Variants in TRABD2A observed in about 807,000 individuals in gnomAD.
TRABD2A encodes TraB domain containing 2A.
TRABD2A carries 43 observed loss-of-function variants against 45.6 expected under a neutral mutation model. That is an observed-to-expected ratio of 0.94 (90% CI 0.74 to 1.22). TRABD2A has a LOEUF of 1.22. TRABD2A is among the 50% of genes most tolerant of loss of function. TRABD2A has a pLI of 0.00. For missense variants in TRABD2A, 642 were observed against 652.4 expected (o/e 0.98, Z 0.17); for synonymous variants, 269 against 265.0 (o/e 1.02, Z -0.15).
At chr2:84,841,749 A>T in intron 3 of TRABD2A, 112 bp downstream of exon 3, 1 of 1,178,826 alleles carries the variant, frequency 8.5e-7, no homozygotes, top group Non-Finnish European at 1.1e-6. Flanking sequence ...CTTTATTTCT[A>T]GAGCCCTCAT....
At chr2:84,837,862 T>C (rs1240511336) in intron 4 of TRABD2A, 2 of 194,264 alleles carry the variant, frequency 1.0e-5, no homozygotes, top group Non-Finnish European at 2.1e-5. Context: ...TGCATGTGAC[T>C]CTCTAGGAAT....
At chr2:84,880,856 T>C in intron 1 of TRABD2A, 76 bp downstream of exon 1, 2 of 1,539,240 alleles carry the variant, frequency 1.3e-6, no homozygotes, top group Non-Finnish European at 1.8e-6. Flanking sequence ...AAAGCGCTGC[T>C]TCGCGGGGTT....
rs776472472 is a variant in TRABD2A at position 84,870,290 on chromosome 2, G to T, written c.604C>A (p.Gln202Lys). 1 of 1,613,942 alleles carries T rather than the reference G, an allele frequency of 6.2e-7. No homozygotes were observed. Among genetic ancestry groups the T allele is most frequent in the Non-Finnish European group, 8.5e-7 (1 of 1,179,888 alleles). ...LAQEAERLRK[Q>K]TGAVEKVEEQ... ...TCCACCTTTTCCACTGCCCCAGTCT[G>T]TTTCCTCAGCCGCTCAGCCTCCTGG... The change falls in exon 2 of 7, where the codon CAG becomes AAG. Residue 202 changes from glutamine (Q) to lysine (K), a missense_variant. Coordinates refer to ENST00000409520, the MANE Select transcript of TRABD2A (RefSeq NM_001277053.2).
chr2:84,837,624 A>T (rs950512398), intron 4 of TRABD2A: 1 of 152,264 alleles, frequency 6.6e-6, no homozygotes, highest in African/African-American at 2.4e-5. Context: ...CAGTTAGTTT[A>T]GTGGCTGGCT....
At chr2:84,851,008 G>A (rs1159365239) in intron 2 of TRABD2A, 1 of 146,816 alleles carries the variant, frequency 6.8e-6, no homozygotes, top group Non-Finnish European at 1.5e-5. Context: ...AAAGATTTCT[G>A]TCCTGTCCTG....
At chr2:84,842,853 C>A (rs1370088577) in intron 2 of TRABD2A, among the ~76,000 whole-genome samples, 1 of 151,920 alleles carries the variant, frequency 6.6e-6, no homozygotes, top group Non-Finnish European at 1.5e-5. Context: ...GCCAGGTTTC[C>A]CAAACATATT....
intron 4 of TRABD2A, chr2:84,834,132 C>T (rs1266488683): frequency 6.6e-6 from 1 of 152,238 alleles, no homozygotes; most frequent in Non-Finnish European, 1.5e-5. Flanking sequence ...CATTGGGACA[C>T]CACCACTGGC....
chr2:84,839,793 C>T (rs1221282680), intron 3 of TRABD2A, among the ~76,000 whole-genome samples: 1 of 152,204 alleles, frequency 6.6e-6, no homozygotes, highest in South Asian at 2.1e-4. Flanking sequence ...TTCATTATTT[C>T]TCCACTTCCT....
rs571389714 is a variant in TRABD2A, at chr2:84,830,914, C to T, written c.1082+1141G>A. On this transcript the variant is annotated intron_variant, in intron 5 of 6. Coordinates refer to ENST00000409520, the MANE Select transcript of TRABD2A (RefSeq NM_001277053.2). This position sits in a 1 kb window ranked among gnomAD's most constrained non-coding sequence, Gnocchi z 4.9. The stretch of plus-strand genomic sequence containing the variant: ...GCTGGATCCTCTGCCAGGGGATGGG[C>T]ATTTGCATCCTGGAACTCTCTCGCT... 6.6e-6 allele frequency among the ~76,000 whole-genome samples: 1 copy of T among 152,218 alleles called. No homozygotes were observed. The highest frequency in any genetic ancestry group is 2.1e-4 in the South Asian group (1 of 4,818).
At position 84,824,233 on chromosome 2, in the gene TRABD2A, T is replaced by TGGA. The variant is rs764237389; in HGVS notation, c.1083-32_1083-30dup. The TGGA allele has an allele frequency of 3.1e-6, 5 of 1,612,736 alleles. No homozygotes were observed. In the South Asian group the frequency reaches 5.5e-5, roughly 18 times the overall value. On this transcript the variant is annotated intron_variant, in intron 5 of 6. Transcript: ENST00000409520. ...TACGCAAGTGGAAGGAGAAGGTATT[T>TGGA]GGAGGAGGGTCACACAGCATGGCGC... is the stretch of plus-strand genomic sequence containing the variant.
chr2:84,880,870 A>C, intron 1 of TRABD2A, 62 bp downstream of exon 1: 1 of 1,547,098 alleles, frequency 6.5e-7, no homozygotes, highest in Admixed American at 2.0e-5. Context: ...CGGGGTTCGG[A>C]GGGAAACCAT....
intron 1 of TRABD2A, among the ~76,000 whole-genome samples, chr2:84,880,066 C>A (rs1024669447): frequency 2.7e-5 from 4 of 150,218 alleles, no homozygotes; most frequent in Non-Finnish European, 5.9e-5. Context: ...GAGCCAGGGA[C>A]GCACAGATAT....
chr2:84,831,427 G>A (rs1226914552), intron 5 of TRABD2A, among the ~76,000 whole-genome samples: 1 of 152,118 alleles, frequency 6.6e-6, no homozygotes, highest in African/African-American at 2.4e-5. Flanking sequence ...CACCAGGATG[G>A]ACGACCAGTT....
chr2:84,862,882 C>G (rs541450347), intron 2 of TRABD2A, among the ~76,000 whole-genome samples: 10 of 152,244 alleles, frequency 6.6e-5, no homozygotes, highest in Admixed American at 5.2e-4. Flanking sequence ...TCAGGTACAA[C>G]GTTGGTTTGA....
chr2:84,825,922 G>A (rs1681133606), intron 5 of TRABD2A, among the ~76,000 whole-genome samples: 1 of 152,110 alleles, frequency 6.6e-6, no homozygotes, highest in Non-Finnish European at 1.5e-5. Context: ...GATGATATGA[G>A]GTGGAACAGT....
intron 6 of TRABD2A, among the ~76,000 whole-genome samples, chr2:84,822,971 C>T (rs1681041589): frequency 6.6e-6 from 1 of 152,180 alleles, no homozygotes; most frequent in Admixed American, 6.5e-5. Flanking sequence ...ACCAGGCTTT[C>T]ACATTGTTCC....
intron 2 of TRABD2A, among the ~76,000 whole-genome samples, chr2:84,869,972 CCA>C (rs1682817395): frequency 9.5e-6 from 1 of 104,872 alleles, no homozygotes; most frequent in African/African-American, 4.4e-5. Flanking sequence ...TGACTCTGTC[CCA>C]AAAAAAAAAA....
Position 84,881,052 on chromosome 2 carries a change from GGCTC to G in TRABD2A, c.-17_-14del. On this transcript the variant is annotated 5_prime_UTR_variant, in exon 1 of 7. Coordinates refer to ENST00000409520, the MANE Select transcript of TRABD2A (RefSeq NM_001277053.2). ...TCCAGGGACTCATCCTCCTCAAGGCGGCTCCGAGGCCCGGAACGCGGAGGGAAGG... is the reference window on the plus strand; with the variant it reads ...TCCAGGGACTCATCCTCCTCAAGGCGCGAGGCCCGGAACGCGGAGGGAAGG... The G allele has an allele frequency of 2.5e-6, 4 of 1,585,132 alleles. No homozygotes were observed. The highest frequency in any genetic ancestry group is 3.4e-6 in the Non-Finnish European group (4 of 1,167,118).
At chr2:84,858,441 C>T (rs540877359) in intron 2 of TRABD2A, among the ~76,000 whole-genome samples, 19 of 152,316 alleles carry the variant, frequency 1.2e-4, no homozygotes, top group Admixed American at 1.2e-3. Context: ...GAAAATCCAG[C>T]TCAAATTCCA....
Sources: allele counts gnomAD v4.1 joint callset (sites outside exome capture counted in the v4.1 genomes callset), GRCh38; gene constraint gnomAD v4.1.1; non-coding constraint Gnocchi (gnomAD v3.1); transcripts MANE v1.5; gene names NCBI Gene and HGNC (gene_info 2026-07-23, HGNC 2026-07-21).